The following ZMYND8 variants were observed in gnomAD, a reference collection of about 807,000 sequenced individuals.
ZMYND8 encodes the protein MYND-type zinc finger-containing chromatin reader ZMYND8.
ZMYND8 carries 37 observed loss-of-function variants against 140.8 expected under a neutral mutation model. The ratio of observed to expected loss-of-function variants is 0.26; its 90% CI spans 0.20 to 0.35. The LOEUF (loss-of-function observed/expected upper bound fraction) is 0.35, where lower values mean the gene tolerates loss of function less well. ZMYND8 is among the 10% of genes least tolerant of loss of function. The probability of loss-of-function intolerance (pLI) is 1.00; values close to 1 mark genes in which losing one functional copy is unlikely to be tolerated. For missense variants in ZMYND8, 1,068 were observed against 1,570.0 expected, an observed-to-expected ratio of 0.68 and a Z score of 5.40; for synonymous variants, 592 against 597.1, an observed-to-expected ratio of 0.99 and a Z score of 0.12.
Position 47,229,709 on chromosome 20 carries a change from C to G in ZMYND8, c.2937+17G>C. On this transcript the variant is annotated intron_variant, in intron 17 of 22. Transcript: ENST00000471951. The stretch of plus-strand genomic sequence containing the variant: ...AAACACTCTTAGCAAATAAGAAATT[C>G]ATGTGTCATCTCTGACCTCAGCTAT... 6.2e-7 allele frequency: 1 copy of G among 1,609,494 alleles called. No homozygotes were observed. Among genetic ancestry groups the G allele is most frequent in the Non-Finnish European group, 8.5e-7 (1 of 1,176,654 alleles).
chr20:47,242,141 A>G (rs560679454), intron 14 of ZMYND8, among the ~76,000 whole-genome samples: 15 of 152,296 alleles, frequency 9.8e-5, no homozygotes, highest in Admixed American at 3.9e-4. Flanking sequence ...TAAGATCAGT[A>G]TTACCCAGAA....
chr20:47,310,446 G>T (rs2078834645), intron 2 of ZMYND8, among the ~76,000 whole-genome samples: 1 of 152,052 alleles, frequency 6.6e-6, no homozygotes, highest in Non-Finnish European at 1.5e-5. Context: ...TTGTTGCCAA[G>T]ATACAAAAAT....
chr20:47,275,494 C>CA (rs762708679), intron 11 of ZMYND8, among the ~76,000 whole-genome samples: 35,791 of 112,216 alleles, frequency 0.32, 4,835 homozygotes, highest in Non-Finnish European at 0.39. Flanking sequence ...ACTATGTCTC[C>CA]AAAAAAAAAA....
intron 22 of ZMYND8, among the ~76,000 whole-genome samples, chr20:47,211,553 G>C (rs1431047694): frequency 1.3e-5 from 2 of 152,174 alleles, no homozygotes; most frequent in Non-Finnish European, 2.9e-5. Flanking sequence ...TAGTGACTGA[G>C]TAAGAAATAA....
chr20:47,326,978 C>T (rs113862609), intron 2 of ZMYND8, among the ~76,000 whole-genome samples: 44 of 152,230 alleles, frequency 2.9e-4, no homozygotes, highest in Middle Eastern at 3.4e-3. Flanking sequence ...TGACTGTACC[C>T]AAACTTGAAG....
chr20:47,256,112 G>A (rs1026822898), intron 12 of ZMYND8, among the ~76,000 whole-genome samples: 16 of 151,304 alleles, frequency 1.1e-4, no homozygotes, highest in Admixed American at 9.9e-4. Flanking sequence ...AAAGCTGAAC[G>A]CAAACTACAA....
chr20:47,332,389 C>T (rs552968099), intron 2 of ZMYND8, among the ~76,000 whole-genome samples: 12 of 152,126 alleles, frequency 7.9e-5, no homozygotes, highest in African/African-American at 1.4e-4. Context: ...GGGGTCAAGA[C>T]AGCAGAGAGG....
intron 3 of ZMYND8, among the ~76,000 whole-genome samples, chr20:47,304,452 C>T (rs1020467373): frequency 1.3e-5 from 2 of 152,212 alleles, no homozygotes; most frequent in South Asian, 4.1e-4. Context: ...TAGCTGTGTG[C>T]CAATAAAACT....
chr20:47,218,804 C>G (rs2036498416), intron 21 of ZMYND8, among the ~76,000 whole-genome samples: 1 of 152,182 alleles, frequency 6.6e-6, no homozygotes, highest in Admixed American at 6.5e-5. Context: ...GACTGTGCCC[C>G]CAAATCCCAT....
intron 1 of ZMYND8, chr20:47,351,843 A>G (rs1423289116): frequency 1.0e-6 from 1 of 985,450 alleles, no homozygotes; most frequent in African/African-American, 1.7e-5. Flanking sequence ...CTCTTGTTTA[A>G]GCAGCCCTGC....
At chr20:47,294,367 C>CAA (rs879344544) in intron 5 of ZMYND8, among the ~76,000 whole-genome samples, 13 of 132,590 alleles carry the variant, frequency 9.8e-5, no homozygotes, top group Admixed American at 2.9e-4. Flanking sequence ...AACAAACAAA[C>CAA]AAACAAAAAA....
At chr20:47,228,286 A>G (rs528544037) in intron 17 of ZMYND8, among the ~76,000 whole-genome samples, 10 of 152,258 alleles carry the variant, frequency 6.6e-5, no homozygotes, top group African/African-American at 2.4e-4. Flanking sequence ...GGGCAGCCCC[A>G]CAACAGAAAT....
At chr20:47,338,892 C>T (rs2081597364) in intron 2 of ZMYND8, among the ~76,000 whole-genome samples, 1 of 152,058 alleles carries the variant, frequency 6.6e-6, no homozygotes, top group South Asian at 2.1e-4. Context: ...CAGTGCAAAG[C>T]ACTGGACTCC....
chr20:47,218,032 A>C (rs1172322516), intron 21 of ZMYND8, among the ~76,000 whole-genome samples: 1 of 152,158 alleles, frequency 6.6e-6, no homozygotes, highest in African/African-American at 2.4e-5. Context: ...GTTTGTTTAC[A>C]TATTATCTAT....
chr20:47,234,825 TTTATTA>T (rs1385062309), intron 16 of ZMYND8, among the ~76,000 whole-genome samples: 1 of 152,204 alleles, frequency 6.6e-6, no homozygotes, highest in Non-Finnish European at 1.5e-5. Context: ...AAGCTAACTC[TTTATTA>T]TTAAGACTAT....
chr20:47,252,976 C>A (rs527578817), intron 12 of ZMYND8, among the ~76,000 whole-genome samples: 1 of 152,330 alleles, frequency 6.6e-6, no homozygotes, highest in Admixed American at 6.5e-5. Context: ...GCCATACAGG[C>A]TCTGTTGCAA....
At chr20:47,306,921 T>G (rs6018403) in intron 3 of ZMYND8, among the ~76,000 whole-genome samples, 43,085 of 151,898 alleles carry the variant, frequency 0.28, 8,197 homozygotes, top group African/African-American at 0.54. Flanking sequence ...CAACAGGGAA[T>G]GGTGGGCAGT....
At position 47,243,960 on chromosome 20, in the gene ZMYND8, T is replaced by G. The variant is rs2040245248; in HGVS notation, c.2284+2048A>C. Among the ~76,000 whole-genome samples, 5 of 152,292 alleles carry G rather than the reference T, an allele frequency of 3.3e-5. No individual in the cohort carries two copies. In the South Asian group the frequency reaches 1.0e-3, roughly 32 times the overall value. ...GCCATCTATAAATCTAACAGATGGGTCGGGATGGTTTGATGGCCTATCCTC... is the reference window on the plus strand; with the variant it reads ...GCCATCTATAAATCTAACAGATGGGGCGGGATGGTTTGATGGCCTATCCTC... On this transcript the variant is annotated intron_variant, in intron 14 of 22. Coordinates refer to ENST00000471951, the MANE Select transcript of ZMYND8 (RefSeq NM_001281775.3).
At chr20:47,284,512 A>C (rs2076804827) in intron 8 of ZMYND8, among the ~76,000 whole-genome samples, 2 of 152,192 alleles carry the variant, frequency 1.3e-5, no homozygotes, top group Admixed American at 6.5e-5. Flanking sequence ...ATGAAGTCTA[A>C]TGACCTGACA....
Sources: allele counts gnomAD v4.1 joint callset (sites outside exome capture counted in the v4.1 genomes callset), GRCh38; gene constraint gnomAD v4.1.1; transcripts MANE v1.5; gene names NCBI Gene and HGNC (gene_info 2026-07-23, HGNC 2026-07-21).